MAGT1: variants seen among roughly 807,000 people sequenced by gnomAD.
MAGT1 encodes the protein dolichyl-diphosphooligosaccharide--protein glycosyltransferase subunit MAGT1.
Under a neutral mutation model 28.4 loss-of-function variants are expected in MAGT1, and 4 were observed. The observed-to-expected ratio is 0.14, with a 90% CI of 0.07 to 0.32. The LOEUF is 0.32. MAGT1 is among the 10% of genes least tolerant of loss of function. MAGT1 has a pLI of 1.00. For synonymous variants in MAGT1, 89 were observed against 89.7 expected, an observed-to-expected ratio of 0.99 and a Z score of 0.04; for missense variants, 193 against 264.5, an observed-to-expected ratio of 0.73 and a Z score of 1.88.
intron 1 of MAGT1, among the ~76,000 whole-genome samples, chrX:77,876,165 T>TATATATATATA (rs1491126690): frequency 6.0e-4 from 8 of 13,364 alleles, no homozygotes; most frequent in African/African-American, 1.5e-3. Flanking sequence ...TATATATATA[T>TATATATATATA]TTTTTTTTTT....
intron 3 of MAGT1, among the ~76,000 whole-genome samples, chrX:77,866,058 C>G (rs1369488114): frequency 1.5e-5 from 1 of 65,101 alleles, no homozygotes; most frequent in East Asian, 4.8e-4. Flanking sequence ...ACTCTGGAGG[C>G]TGAGGCACGA....
intron 7 of MAGT1, among the ~76,000 whole-genome samples, chrX:77,842,033 C>A (rs1176161378): frequency 9.2e-6 from 1 of 109,018 alleles, no homozygotes; most frequent in Non-Finnish European, 1.9e-5. Flanking sequence ...CCCTAAAGAA[C>A]ACATTTGAAA....
chrX:77,885,061 CAAA>C (rs782414984), intron 1 of MAGT1, among the ~76,000 whole-genome samples: 2 of 52,352 alleles, frequency 3.8e-5, no homozygotes, highest in Admixed American at 2.5e-4. Flanking sequence ...GACTCCATCT[CAAA>C]AAAAAAAAAA....
chrX:77,862,009 G>C (rs2076996019), intron 3 of MAGT1, among the ~76,000 whole-genome samples: 1 of 110,950 alleles, frequency 9.0e-6, no homozygotes, highest in African/African-American at 3.3e-5. Flanking sequence ...CTACTGACCT[G>C]TACATTTAAA....
At position 77,829,459 on chromosome X, in the gene MAGT1, G is replaced by A. The variant is rs1415624941; in HGVS notation, c.993-224C>T. Among the ~76,000 whole-genome samples the A allele has an allele frequency of 3.7e-4, 41 of 111,921 alleles. 2 individuals carry two copies. In the Admixed American group the frequency reaches 3.9e-3, roughly 11 times the overall value. On this transcript the variant is annotated intron_variant, in intron 9 of 9. Coordinates refer to ENST00000618282, the MANE Select transcript of MAGT1 (RefSeq NM_001367916.1). ...CAAGTTAAAATATCTCCTGAATAGA[G>A]ACACTAATTAATAATTTTATTTTTT...
chrX:77,892,211 A>G (rs1376452529), intron 1 of MAGT1, among the ~76,000 whole-genome samples: 1 of 112,093 alleles, frequency 8.9e-6, no homozygotes, highest in Non-Finnish European at 1.9e-5. Context: ...AGATTTTAAG[A>G]TCAGACATTA....
At chrX:77,829,305 C>A in intron 9 of MAGT1, 70 bp from the exon 10 acceptor site, 1 of 937,628 alleles carries the variant, frequency 1.1e-6, no homozygotes, top group Non-Finnish European at 1.5e-6. Context: ...AATCAATAAG[C>A]AGTATGTTGG....
intron 6 of MAGT1, 22 bp downstream of exon 6, chrX:77,855,479 A>G: frequency 4.4e-6 from 5 of 1,137,111 alleles, no homozygotes; most frequent in Non-Finnish European, 6.0e-6. Context: ...TACAAAGGAA[A>G]GAAATCCCAG....
At chrX:77,886,975 A>C (rs190595008) in intron 1 of MAGT1, among the ~76,000 whole-genome samples, 28 of 112,292 alleles carry the variant, frequency 2.5e-4, no homozygotes, top group African/African-American at 8.7e-4. Context: ...GAAGAATGTG[A>C]TATTCTACTT....
At chrX:77,833,847 A>G (rs2076905565) in intron 8 of MAGT1, among the ~76,000 whole-genome samples, 1 of 111,397 alleles carries the variant, frequency 9.0e-6, no homozygotes, top group Non-Finnish European at 1.9e-5. Flanking sequence ...AAAAGAACAA[A>G]ACTGGAGGAA....
chrX:77,839,930 A>C (rs2076930311), intron 8 of MAGT1, among the ~76,000 whole-genome samples: 1 of 111,334 alleles, frequency 9.0e-6, no homozygotes, highest in African/African-American at 3.3e-5. Flanking sequence ...TACTGGCATA[A>C]GCCACTGCGC....
At chrX:77,837,025 G>A (rs187004775) in intron 8 of MAGT1, among the ~76,000 whole-genome samples, 8 of 112,210 alleles carry the variant, frequency 7.1e-5, no homozygotes, top group African/African-American at 2.3e-4. Flanking sequence ...CTAAAGAAAC[G>A]TCTATTAATT....
intron 8 of MAGT1, among the ~76,000 whole-genome samples, chrX:77,831,184 A>AT (rs1286320025): frequency 9.2e-6 from 1 of 109,188 alleles, no homozygotes; most frequent in African/African-American, 3.3e-5. Context: ...CGCCCAGCTA[A>AT]TTTTTTGTAT....
intron 7 of MAGT1, among the ~76,000 whole-genome samples, chrX:77,848,494 T>C (rs2076958287): frequency 1.8e-5 from 2 of 111,401 alleles, no homozygotes; most frequent in African/African-American, 6.5e-5. Flanking sequence ...AAATATTGAC[T>C]ACTTTTCTTT....
chrX:77,882,090 T>A (rs185145143), intron 1 of MAGT1, among the ~76,000 whole-genome samples: 1 of 112,126 alleles, frequency 8.9e-6, no homozygotes, highest in Non-Finnish European at 1.9e-5. Context: ...TTTGACAAAA[T>A]TCAACAGCAC....
At chrX:77,890,246 G>T (rs999678507) in intron 1 of MAGT1, among the ~76,000 whole-genome samples, 8 of 112,039 alleles carry the variant, frequency 7.1e-5, no homozygotes, top group Non-Finnish European at 1.3e-4. Flanking sequence ...TTAGTATGAA[G>T]TAGAACAAAA....
chrX:77,883,558 T>TC (rs1165360430), intron 1 of MAGT1, among the ~76,000 whole-genome samples: 4 of 97,409 alleles, frequency 4.1e-5, no homozygotes, highest in African/African-American at 1.5e-4. Flanking sequence ...ATTTTCTTTT[T>TC]TTTTTTTTTT....
intron 2 of MAGT1, among the ~76,000 whole-genome samples, chrX:77,873,820 A>G (rs1243068461): frequency 9.0e-5 from 10 of 111,387 alleles, no homozygotes; most frequent in African/African-American, 2.9e-4. Flanking sequence ...TACATTAACT[A>G]TGGTCACCAT....
chrX:77,864,125 T>C (rs1234621111), intron 3 of MAGT1, among the ~76,000 whole-genome samples: 4 of 111,026 alleles, frequency 3.6e-5, no homozygotes, highest in Admixed American at 9.7e-5. Flanking sequence ...GAAGTTATTA[T>C]GTGAAATAAG....
Sources: allele counts gnomAD v4.1 joint callset (sites outside exome capture counted in the v4.1 genomes callset), GRCh38; gene constraint gnomAD v4.1.1; transcripts MANE v1.5; gene names NCBI Gene and HGNC (gene_info 2026-07-23, HGNC 2026-07-21).